CEP83: variants seen among roughly 807,000 people sequenced by gnomAD.
CEP83 encodes centrosomal protein 83, also known as centrosomal protein of 83 kDa.
CEP83 carries 70 observed loss-of-function variants against 101.9 expected under a neutral mutation model. That is an observed-to-expected ratio of 0.69 (90% CI 0.57 to 0.84). The LOEUF (loss-of-function observed/expected upper bound fraction) is 0.84, where lower values mean the gene tolerates loss of function less well. Among genes scored for constraint, CEP83 ranks in the 40% least tolerant of loss-of-function variants. The pLI is 0.00. For missense variants in CEP83, 715 were observed against 787.2 expected, an observed-to-expected ratio of 0.91 and a Z score of 1.10; for synonymous variants, 264 against 267.9, an observed-to-expected ratio of 0.99 and a Z score of 0.14.
At chr12:94,276,322 A>G in the CEP83 span, among the ~76,000 whole-genome samples, 7,824 of 152,232 alleles carry the variant, frequency 0.051, 251 homozygotes, top group Non-Finnish European at 0.073. Context: ...GCAAGACCCC[A>G]ACAAGATCGT....
chr12:94,311,947 T>A (rs537862329), intron 15 of CEP83, among the ~76,000 whole-genome samples: 17 of 152,288 alleles, frequency 1.1e-4, no homozygotes, highest in African/African-American at 4.1e-4. Flanking sequence ...TGGTGGCTCA[T>A]GCTTGTAATC....
At chr12:94,420,341 T>C (rs2064626288) in intron 2 of CEP83, among the ~76,000 whole-genome samples, 2 of 152,246 alleles carry the variant, frequency 1.3e-5, no homozygotes, top group African/African-American at 4.8e-5. Context: ...ATACTGTTCA[T>C]AGCAGTATTA....
At chr12:94,431,873 G>A (rs903954530) in intron 2 of CEP83, among the ~76,000 whole-genome samples, 6 of 152,084 alleles carry the variant, frequency 3.9e-5, no homozygotes, top group South Asian at 2.1e-4. Flanking sequence ...AAAACAGCAC[G>A]AAGATTTCTC....
chr12:94,454,552 G>A (rs950905865), intron 1 of CEP83, among the ~76,000 whole-genome samples: 1 of 152,218 alleles, frequency 6.6e-6, no homozygotes, highest in Non-Finnish European at 1.5e-5. Context: ...CAATTAGCAG[G>A]ATGTGGGTGG....
chr12:94,299,602 C>G, the CEP83 span, among the ~76,000 whole-genome samples: 1 of 152,122 alleles, frequency 6.6e-6, no homozygotes. Context: ...TCTTGTTGCC[C>G]AGGCTGCAGT....
intron 6 of CEP83, among the ~76,000 whole-genome samples, chr12:94,388,645 C>T (rs937894829): frequency 1.3e-5 from 2 of 152,046 alleles, no homozygotes; most frequent in Non-Finnish European, 2.9e-5. Context: ...TAAAGTATTA[C>T]AAGTAGTGAA....
the CEP83 span, among the ~76,000 whole-genome samples, chr12:94,286,482 G>C: frequency 6.6e-6 from 1 of 151,980 alleles, no homozygotes; most frequent in Admixed American, 6.6e-5. Flanking sequence ...GCTGAAGTTT[G>C]CTTTTACCCT....
At chr12:94,383,698 C>T (rs2061976604) in intron 6 of CEP83, among the ~76,000 whole-genome samples, 1 of 151,942 alleles carries the variant, frequency 6.6e-6, no homozygotes, top group South Asian at 2.1e-4. Context: ...TCTCTGTTTT[C>T]TTTTTCTTGC....
the CEP83 span, among the ~76,000 whole-genome samples, chr12:94,288,360 T>A: frequency 6.6e-6 from 1 of 152,126 alleles, no homozygotes; most frequent in Non-Finnish European, 1.5e-5. Flanking sequence ...ACAGGATCAC[T>A]CTTGAGTCTT....
intron 2 of CEP83, among the ~76,000 whole-genome samples, chr12:94,423,254 T>A (rs756023739): frequency 6.6e-6 from 1 of 152,088 alleles, no homozygotes; most frequent in Admixed American, 6.5e-5. Context: ...CCGGCTGATT[T>A]TGTATTTTTA....
At chr12:94,309,184 A>AGG (rs1969450254) in intron 16 of CEP83, among the ~76,000 whole-genome samples, 2 of 152,302 alleles carry the variant, frequency 1.3e-5, no homozygotes, top group African/African-American at 4.8e-5. Context: ...ATACTAATGC[A>AGG]GGGCCCAGGT....
chr12:94,418,676 A>C (rs1325712507), intron 2 of CEP83, among the ~76,000 whole-genome samples: 1 of 152,202 alleles, frequency 6.6e-6, no homozygotes, highest in Non-Finnish European at 1.5e-5. Flanking sequence ...ATGGGAGTTG[A>C]CTGCTTAATG....
intron 6 of CEP83, among the ~76,000 whole-genome samples, chr12:94,384,472 C>T (rs1022765230): frequency 6.6e-6 from 1 of 152,106 alleles, no homozygotes; most frequent in Non-Finnish European, 1.5e-5. Flanking sequence ...AGTTTTTAGT[C>T]ATTATTTCTT....
chr12:94,355,178 T>C (rs963781782), intron 11 of CEP83, among the ~76,000 whole-genome samples: 1 of 151,912 alleles, frequency 6.6e-6, no homozygotes, highest in Admixed American at 6.6e-5. Flanking sequence ...AACAACATAA[T>C]CATGTTCCCC....
intron 1 of CEP83, among the ~76,000 whole-genome samples, chr12:94,458,395 A>G (rs1203776979): frequency 6.6e-6 from 1 of 152,158 alleles, no homozygotes; most frequent in African/African-American, 2.4e-5. Context: ...CCAAAGGACA[A>G]CTCAAAACCA....
At chr12:94,345,722 A>T (rs2059905589) in intron 11 of CEP83, among the ~76,000 whole-genome samples, 1 of 152,208 alleles carries the variant, frequency 6.6e-6, no homozygotes, top group African/African-American at 2.4e-5. Context: ...TCCAGGAGGA[A>T]ATAATGCTAC....
At chr12:94,368,403 C>T in intron 9 of CEP83, 4 of 531,602 alleles carry the variant, frequency 7.5e-6, no homozygotes, top group East Asian at 3.1e-5. Flanking sequence ...GCAAATTTTC[C>T]TGTCACTGTT....
rs1383790391 is a variant in CEP83, at chr12:94,403,208, C to G, written c.379G>C (p.Glu127Gln). 1 of 1,587,382 alleles carries G rather than the reference C, an allele frequency of 6.3e-7. No homozygotes were observed. The highest frequency in any genetic ancestry group is 8.6e-7 in the Non-Finnish European group (1 of 1,156,606). Residue 127 changes from glutamate (E) to glutamine (Q), a missense_variant, in exon 5 of 17, where the codon GAA becomes CAA. Physicochemically the swap from Glu to Gln is conservative, Grantham distance 29. Transcript: ENST00000397809. ...LLRAQIQQEL[E>Q]TPMRERFRNL... ...CTAAAACGTTCTCTCATTGGAGTTT[C>G]TAATTCTTGTTGTATTTGGGCTCTT... is the stretch of plus-strand genomic sequence containing the variant.
At chr12:94,445,811 A>T (rs1483782114) in intron 1 of CEP83, among the ~76,000 whole-genome samples, 3 of 152,194 alleles carry the variant, frequency 2.0e-5, no homozygotes, top group African/African-American at 7.2e-5. Flanking sequence ...TCCCAGTAGG[A>T]ATGAGTATGG....
Sources: allele counts gnomAD v4.1 joint callset (sites outside exome capture counted in the v4.1 genomes callset), GRCh38; gene constraint gnomAD v4.1.1; transcripts MANE v1.5; gene names NCBI Gene and HGNC (gene_info 2026-07-23, HGNC 2026-07-21).